The following GNL3L variants were observed in gnomAD, a reference collection of about 807,000 sequenced individuals.
The protein encoded by GNL3L is G protein nucleolar 3 like, also known as guanine nucleotide-binding protein-like 3-like protein.
A neutral mutation model predicts 42.9 loss-of-function variants in GNL3L; 4 were observed. That is an observed-to-expected ratio of 0.09 (90% CI 0.05 to 0.21). GNL3L has a LOEUF of 0.21. GNL3L is among the 10% of genes least tolerant of loss of function. The pLI is 1.00. For synonymous variants in GNL3L, 159 were observed against 176.3 expected (o/e 0.90, Z 0.78); for missense variants, 412 against 481.7 (o/e 0.86, Z 1.36).
At chrX:54,606,995 CCTTT>C (rs56807107) in intron 16 of GNL3L, among the ~76,000 whole-genome samples, 1,017 of 27,782 alleles carry the variant, frequency 0.037, 48 homozygotes, top group South Asian at 0.045. Context: ...CCTTTCCTTT[CCTTT>C]CTTTCTTTCT....
intron 2 of GNL3L, among the ~76,000 whole-genome samples, chrX:54,537,155 A>G (rs1000250590): frequency 8.3e-5 from 9 of 108,323 alleles, no homozygotes; most frequent in African/African-American, 3.0e-4. Context: ...CCTGAGAGCT[A>G]GGACTACAGG....
chrX:54,560,475 G>A (rs1463558968), intron 15 of GNL3L, 45 bp from the exon 16 acceptor site: 1 of 817,480 alleles, frequency 1.2e-6, no homozygotes, highest in Admixed American at 2.2e-5. Flanking sequence ...GCCTCCTGGT[G>A]GCAAGCCAGC....
the GNL3L span, among the ~76,000 whole-genome samples, chrX:54,632,693 A>C: frequency 6.5e-3 from 725 of 111,327 alleles, 7 homozygotes; most frequent in African/African-American, 0.022. Context: ...AATTTCTTTA[A>C]ATCCGTTTTC....
intron 14 of GNL3L, among the ~76,000 whole-genome samples, chrX:54,557,455 G>A (rs1484610597): frequency 1.8e-5 from 2 of 108,859 alleles, no homozygotes; most frequent in African/African-American, 6.7e-5. Flanking sequence ...TATTTTTTGA[G>A]ACAGGGTCTT....
chrX:54,564,760 G>T lies in GNL3L; in HGVS notation c.*4158G>T. On this transcript the variant is annotated 3_prime_UTR_variant, in exon 16 of 16. Transcript: ENST00000360845. ...TTTTTTTTTTTTTTTTTGAAACAGA[G>T]TCTCACTCTTTCACTGAGGCTGGAG... is the stretch of plus-strand genomic sequence containing the variant. Among the ~76,000 whole-genome samples the T allele has an allele frequency of 1.3e-5, 1 of 78,418 alleles. No homozygotes were observed. The highest frequency in any genetic ancestry group is 5.3e-5 in the African/African-American group (1 of 18,987). The allele number at this position is 78,418 out of a possible 115,157, so 68.1% of individuals were successfully genotyped here.
chrX:54,612,172 A>G (rs1001226849), intron 16 of GNL3L, among the ~76,000 whole-genome samples: 1 of 112,239 alleles, frequency 8.9e-6, no homozygotes, highest in East Asian at 2.8e-4. Flanking sequence ...ACCATTATAT[A>G]ATGTCCCTCT....
intron 2 of GNL3L, among the ~76,000 whole-genome samples, chrX:54,535,214 G>A (rs762800060): frequency 9.0e-6 from 1 of 111,570 alleles, no homozygotes; most frequent in African/African-American, 3.3e-5. Context: ...CGCCTCCTGG[G>A]TTCAAGCGAT....
rs1158646056 is a variant in GNL3L, at chrX:54,579,982, G to GTT, written c.*45+19337_*45+19338dup. On this transcript the variant is annotated intron_variant, in intron 16 of 16. Coordinates refer to the GNL3L transcript ENST00000674498. ...CATGAGCCACTGTGCCTGGCCTAAA[G>GTT]TTTGTTTTTTTTTTTTTTTTTTTTT... Among the ~76,000 whole-genome samples the GTT allele has an allele frequency of 2.1e-3, 113 of 54,687 alleles. 1 individual carries two copies. The highest frequency in any genetic ancestry group is 0.013 in the African/African-American group (74 of 5,873). The allele number at this position is 54,687 out of a possible 115,157, so 47.5% of individuals were successfully genotyped here.
chrX:54,550,046 G>A (rs62618081), intron 9 of GNL3L, among the ~76,000 whole-genome samples: 1,771 of 110,166 alleles, frequency 0.016, 22 homozygotes, highest in Non-Finnish European at 0.027. Flanking sequence ...GAATCAGAGA[G>A]AAAAGAACAA....
chrX:54,540,208 A>G lies in GNL3L; in HGVS notation c.155A>G (p.His52Arg), dbSNP rs752128685. ...SAPHFVHPND[H>R]ANREAELKKK... ...CCTCATTTTGTTCACCCCAATGATC[A>G]TGCCAATCGAGAGGCTGAATTAAAG... The change falls in exon 4 of 16, where the codon CAT becomes CGT. Residue 52 changes from histidine (H) to arginine (R), a missense_variant. Physicochemically the swap from His to Arg is conservative, Grantham distance 29 (BLOSUM62 0). Transcript: ENST00000360845. The G allele has an allele frequency of 8.3e-7, 1 of 1,200,605 alleles. No individual in the cohort carries two copies. The highest frequency in any genetic ancestry group is 1.1e-6 in the Non-Finnish European group (1 of 885,558).
the GNL3L span, among the ~76,000 whole-genome samples, chrX:54,644,329 A>T: frequency 4.5e-5 from 5 of 112,252 alleles, no homozygotes; most frequent in Admixed American, 4.7e-4. Context: ...GATTACAAAT[A>T]CTTTACCCAC....
At chrX:54,577,073 C>T (rs1925646203) in intron 16 of GNL3L, among the ~76,000 whole-genome samples, 1 of 112,140 alleles carries the variant, frequency 8.9e-6, no homozygotes, top group African/African-American at 3.2e-5. Flanking sequence ...CCTTTCCCTC[C>T]AGTCCCTGGT....
chrX:54,600,320 G>A lies in GNL3L; in HGVS notation c.*46-20525G>A, dbSNP rs181040949. 1.1e-4 allele frequency among the ~76,000 whole-genome samples: 11 copies of A among 98,723 alleles called. No individual in the cohort carries two copies. In the East Asian group the frequency reaches 2.4e-3, roughly 21 times the overall value. 85.7% of individuals were successfully genotyped at this position (98,723 alleles called of 115,157 possible). On this transcript the variant is annotated intron_variant, in intron 16 of 16. Coordinates refer to the GNL3L transcript ENST00000674498. ...TGGCTCAGTGCAACCTCTGCATCCC[G>A]GGTTCAAGTGATTCTCCTGCCTCAG...
chrX:54,579,982 G>GTTTTTTTT (rs1158646056), intron 16 of GNL3L, among the ~76,000 whole-genome samples: 1 of 54,826 alleles, frequency 1.8e-5, no homozygotes, highest in African/African-American at 1.7e-4. Context: ...CTGGCCTAAA[G>GTTTTTTTT]TTTGTTTTTT....
At chrX:54,632,676 T>C in the GNL3L span, among the ~76,000 whole-genome samples, 1 of 111,912 alleles carries the variant, frequency 8.9e-6, no homozygotes, top group African/African-American at 3.2e-5. Flanking sequence ...TCCTGTATTA[T>C]GTTTTTAATT....
chrX:54,607,053 T>TCTTTC (rs1926085786), intron 16 of GNL3L, among the ~76,000 whole-genome samples: 5 of 67,087 alleles, frequency 7.5e-5, no homozygotes, highest in African/African-American at 4.5e-4. Flanking sequence ...TCTTTCTTTC[T>TCTTTC]TTCTTTCTTT....
chrX:54,581,901 A>G (rs1315748418), intron 16 of GNL3L, among the ~76,000 whole-genome samples: 1 of 111,806 alleles, frequency 8.9e-6, no homozygotes, highest in Admixed American at 9.5e-5. Flanking sequence ...TGGTATGAAC[A>G]TGTTTTAGTT....
chrX:54,545,503 A>G (rs560059247), intron 8 of GNL3L, among the ~76,000 whole-genome samples: 1 of 111,699 alleles, frequency 9.0e-6, no homozygotes. Context: ...ACTGTGCACA[A>G]CCAACTACTT....
At chrX:54,637,976 C>G in the GNL3L span, among the ~76,000 whole-genome samples, 1 of 111,328 alleles carries the variant, frequency 9.0e-6, no homozygotes, top group South Asian at 3.8e-4. Flanking sequence ...ACTCTTCTTT[C>G]TACTTTTGCA....
Sources: gnomAD v4.1 joint callset for allele counts (sites outside exome capture counted in the v4.1 genomes callset) on GRCh38, gnomAD v4.1.1 for gene constraint, MANE v1.5 for transcripts, NCBI Gene and HGNC (gene_info 2026-07-23, HGNC 2026-07-21) for gene names.